RADIL: variants seen among roughly 807,000 people sequenced by gnomAD.
RADIL encodes the protein Rap associating with DIL domain, also known as ras-associating and dilute domain-containing protein.
Under a neutral mutation model 97.6 loss-of-function variants are expected in RADIL, and 99 were observed. The ratio of observed to expected loss-of-function variants is 1.01; its 90% confidence interval spans 0.86 to 1.20. RADIL has a LOEUF of 1.20. Among genes scored for constraint, RADIL ranks in the 50% most tolerant of loss-of-function variants. The pLI is 0.00. For missense variants in RADIL, 1,765 were observed against 1,498.9 expected (o/e 1.18, Z -2.93); for synonymous variants, 803 against 691.8 (o/e 1.16, Z -2.52).
intron 5 of RADIL, 86 bp downstream of exon 5, chr7:4,832,055 A>T (rs1295770077): frequency 4.9e-6 from 7 of 1,425,990 alleles, no homozygotes; most frequent in Non-Finnish European, 5.8e-6. Context: ...GCGTGGGGAG[A>T]CCCCTCGGGA....
At chr7:4,804,414 C>A (rs544676341) in intron 10 of RADIL, among the ~76,000 whole-genome samples, 1 of 152,360 alleles carries the variant, frequency 6.6e-6, no homozygotes, top group African/African-American at 2.4e-5. Context: ...CTGCGCCTCC[C>A]GCCATCCCGT....
chr7:4,882,478 G>C (rs914889901), intron 1 of RADIL, among the ~76,000 whole-genome samples: 2 of 152,202 alleles, frequency 1.3e-5, no homozygotes, highest in African/African-American at 2.4e-5. Flanking sequence ...CTCAAGGAAG[G>C]GTCCAGTTTC....
chr7:4,823,293 TA>T (rs1022453878), intron 5 of RADIL, among the ~76,000 whole-genome samples: 16 of 147,740 alleles, frequency 1.1e-4, no homozygotes, highest in Non-Finnish European at 2.4e-4. Context: ...CCGTCTCTAC[TA>T]AAAATACAAA....
At chr7:4,841,050 C>T (rs927767241) in intron 2 of RADIL, among the ~76,000 whole-genome samples, 2 of 152,198 alleles carry the variant, frequency 1.3e-5, no homozygotes, top group Admixed American at 1.3e-4. Flanking sequence ...GCAGGACGGC[C>T]GCAGCCTTTC....
chr7:4,838,689 C>T (rs903033439), intron 2 of RADIL, among the ~76,000 whole-genome samples: 3 of 152,228 alleles, frequency 2.0e-5, no homozygotes, highest in African/African-American at 7.2e-5. Context: ...AAGGGCCAGG[C>T]TGCCAGCCTC....
rs566383649 is a variant in RADIL at position 4,867,800 on chromosome 7, T to G, written c.535+9805A>C. On this transcript the variant is annotated intron_variant, in intron 2 of 14. Transcript: ENST00000399583. This position sits in a 1 kb window ranked among gnomAD's most constrained non-coding sequence, Gnocchi z 4.1. Reference sequence around the variant, plus strand: ...GGTAAGTTGGAATGGTATTCATTAATACACTAGAGTGGGTTCCCAAGGACA... The same window carrying G: ...GGTAAGTTGGAATGGTATTCATTAAGACACTAGAGTGGGTTCCCAAGGACA... Among the ~76,000 whole-genome samples the G allele has an allele frequency of 6.6e-6, 1 of 152,308 alleles. No homozygotes were observed. The highest frequency in any genetic ancestry group is 2.1e-4 in the South Asian group (1 of 4,826).
Position 4,819,128 on chromosome 7 carries a change from A to G in RADIL, c.1616-1777T>C, listed in dbSNP as rs376419978. On this transcript the variant is annotated intron_variant, in intron 6 of 14. Coordinates refer to ENST00000399583, the MANE Select transcript of RADIL (RefSeq NM_018059.5). This position sits in a 1 kb window ranked among gnomAD's most constrained non-coding sequence, Gnocchi z 5.8. ...ACTCTGTCGCCCAGGCTGGAGTGCA[A>G]TGACACAATCCCAGCTCACTGCAGC... Among the ~76,000 whole-genome samples the G allele has an allele frequency of 1.3e-3, 194 of 149,438 alleles. 1 individual carries two copies. The highest frequency in any genetic ancestry group is 4.2e-3 in the African/African-American group (170 of 40,218).
At chr7:4,832,474 C>A (rs1169154209) in intron 4 of RADIL, among the ~76,000 whole-genome samples, 1 of 152,172 alleles carries the variant, frequency 6.6e-6, no homozygotes, top group Non-Finnish European at 1.5e-5. Flanking sequence ...CAAGGTGGCT[C>A]ACACCTGGAA....
chr7:4,875,719 C>G (rs1784361148), intron 2 of RADIL, among the ~76,000 whole-genome samples: 1 of 152,172 alleles, frequency 6.6e-6, no homozygotes, highest in Non-Finnish European at 1.5e-5. Flanking sequence ...AGCCTTTGTT[C>G]CCGTGCAGAA....
intron 2 of RADIL, chr7:4,858,170 C>A (rs1253268223): frequency 1.3e-5 from 2 of 152,202 alleles, no homozygotes; most frequent in Non-Finnish European, 2.9e-5. Context: ...AAAGTCTCTA[C>A]AGCATAAAAG....
rs1782026572 is a variant in RADIL, at chr7:4,800,019, G to A, written c.2982+152C>T. On this transcript the variant is annotated intron_variant, in intron 13 of 14. Transcript: ENST00000399583. Reference sequence around the variant, plus strand: ...GGGGGCGTGGCCGTTGGACAGGCTGGGTTCCCCTCCCAGCTGCAGAGGCCA... The same window carrying A: ...GGGGGCGTGGCCGTTGGACAGGCTGAGTTCCCCTCCCAGCTGCAGAGGCCA... 7 of 1,262,428 alleles carry A rather than the reference G, an allele frequency of 5.5e-6. No individual in the cohort carries two copies. The South Asian group carries it at 9.4e-5, about 17-fold the overall frequency. 78.2% of individuals were successfully genotyped at this position (1,262,428 alleles called of 1,614,324 possible).
intron 12 of RADIL, 100 bp from the exon 13 acceptor site, chr7:4,800,410 T>C (rs966109385): frequency 1.2e-5 from 15 of 1,243,746 alleles, no homozygotes; most frequent in Non-Finnish European, 1.5e-5. Context: ...GCGTCAGGGA[T>C]GGGATGGCCT....
chr7:4,825,286 G>C (rs1782942288), intron 5 of RADIL, among the ~76,000 whole-genome samples: 1 of 152,192 alleles, frequency 6.6e-6, no homozygotes, highest in African/African-American at 2.4e-5. Flanking sequence ...CAAGGCGCGG[G>C]TATCTCCTGC....
rs370306878 is a variant in RADIL, at chr7:4,867,709, G to A, written c.535+9896C>T. Among the ~76,000 whole-genome samples the A allele has an allele frequency of 2.6e-4, 39 of 152,228 alleles. No individual in the cohort carries two copies. The highest frequency in any genetic ancestry group is 8.9e-4 in the African/African-American group (37 of 41,504). On this transcript the variant is annotated intron_variant, in intron 2 of 14. Transcript: ENST00000399583. The surrounding 1 kb of genome is among the most constrained non-coding windows in gnomAD (Gnocchi z 4.1). The stretch of plus-strand genomic sequence containing the variant: ...AGCTTTATAGCTCAATCCCACTTAG[G>A]TAAATTAAACATATACAAAATATTA...
intron 2 of RADIL, among the ~76,000 whole-genome samples, chr7:4,864,857 A>ATTCTCTACCTAGGAGCCAGAGTC (rs1353335517): frequency 6.6e-6 from 1 of 152,264 alleles, no homozygotes; most frequent in Non-Finnish European, 1.5e-5. Flanking sequence ...TTTTCAAAGT[A>ATTCTCTACCTAGGAGCCAGAGTC]TTCTCTACCT....
chr7:4,842,854 T>C lies in RADIL; in HGVS notation c.536-6249A>G, dbSNP rs1044108743. Among the ~76,000 whole-genome samples, 6 of 151,940 alleles carry C rather than the reference T, an allele frequency of 3.9e-5. No individual in the cohort carries two copies. On this transcript the variant is annotated intron_variant, in intron 2 of 14. Transcript: ENST00000399583. The surrounding 1 kb of genome is among the most constrained non-coding windows in gnomAD (Gnocchi z 4.5). Reference sequence around the variant, plus strand: ...CCACTACTGGGGAACCGGAGACCATTGTACTTATTTGCTATGTTGCCCAGG... The same window carrying C: ...CCACTACTGGGGAACCGGAGACCATCGTACTTATTTGCTATGTTGCCCAGG...
intron 9 of RADIL, among the ~76,000 whole-genome samples, chr7:4,810,894 G>C (rs1782525513): frequency 6.6e-6 from 1 of 152,216 alleles, no homozygotes; most frequent in Non-Finnish European, 1.5e-5. Flanking sequence ...CCAGCACTTT[G>C]GGAATCTGAG....
chr7:4,807,868 TC>T (rs569923181), intron 9 of RADIL, among the ~76,000 whole-genome samples: 16 of 11,720 alleles, frequency 1.4e-3, no homozygotes, highest in African/African-American at 4.6e-3. Flanking sequence ...TGCCTCTCTC[TC>T]CCCCCCATCT....
In RADIL at chr7:4,818,231, G is replaced by A. The variant is rs529810800; in HGVS notation, c.1616-880C>T. Among the ~76,000 whole-genome samples, 45 of 151,928 alleles carry A rather than the reference G, an allele frequency of 3.0e-4. No homozygotes were observed. The highest frequency in any genetic ancestry group is 9.2e-4 in the African/African-American group (38 of 41,224). ...GGCCGCCTGCCAGGGCTGCATGGGC[G>A]GCGCCTGGTGAGCCAGGCCAACACT... On this transcript the variant is annotated intron_variant, in intron 6 of 14. Coordinates refer to ENST00000399583, the MANE Select transcript of RADIL (RefSeq NM_018059.5). This position sits in a 1 kb window ranked among gnomAD's most constrained non-coding sequence, Gnocchi z 7.1.
Sources: allele counts gnomAD v4.1 joint callset (sites outside exome capture counted in the v4.1 genomes callset), GRCh38; gene constraint gnomAD v4.1.1; non-coding constraint Gnocchi (gnomAD v3.1); transcripts MANE v1.5; gene names NCBI Gene and HGNC (gene_info 2026-07-23, HGNC 2026-07-21).